MGMT: variants seen among roughly 807,000 people sequenced by gnomAD.
MGMT encodes the protein O-6-methylguanine-DNA methyltransferase.
In MGMT, 14 loss-of-function variants were observed where a neutral mutation model predicts 15.9. That is an observed-to-expected ratio of 0.88 (90% confidence interval 0.58 to 1.37). The LOEUF (loss-of-function observed/expected upper bound fraction) is 1.37, where lower values mean the gene tolerates loss of function less well. Ranked by LOEUF, MGMT falls within the 40% of genes most tolerant of loss-of-function variation. MGMT has a pLI of 0.00. For missense variants in MGMT, 282 were observed against 268.1 expected (o/e 1.05, Z -0.36); for synonymous variants, 130 against 118.2 (o/e 1.10, Z -0.65).
chr10:129,764,270 T>C lies in MGMT; in HGVS notation c.415-2518T>C, dbSNP rs548601326. ...TGGGGGCCATAGATGGGGTCGAAGA[T>C]GCAGCAGCATCAGGCATGGGCACAC... On this transcript the variant is annotated intron_variant, in intron 4 of 4. Transcript: ENST00000651593. 2.6e-5 allele frequency among the ~76,000 whole-genome samples: 4 copies of C among 151,116 alleles called. No homozygotes were observed. In the East Asian group the frequency reaches 5.8e-4, roughly 22 times the overall value.
chr10:129,723,746 C>CATA (rs1848401319), intron 3 of MGMT, among the ~76,000 whole-genome samples: 1 of 152,146 alleles, frequency 6.6e-6, no homozygotes, highest in Non-Finnish European at 1.5e-5. Context: ...CGCAAAGACA[C>CATA]ATAATACACA....
At chr10:129,538,989 T>C (rs764627030) in intron 2 of MGMT, among the ~76,000 whole-genome samples, 7 of 152,204 alleles carry the variant, frequency 4.6e-5, no homozygotes, top group Non-Finnish European at 8.8e-5. Context: ...GTTGATGTTA[T>C]TGATTTGTGG....
chr10:129,727,776 G>A (rs1296695123), intron 3 of MGMT, among the ~76,000 whole-genome samples: 1 of 152,192 alleles, frequency 6.6e-6, no homozygotes, highest in Non-Finnish European at 1.5e-5. Flanking sequence ...GGTATATGAG[G>A]AGCCCCGGGT....
At chr10:129,501,794 C>T (rs1845577094) in intron 1 of MGMT, among the ~76,000 whole-genome samples, 1 of 152,236 alleles carries the variant, frequency 6.6e-6, no homozygotes, top group African/African-American at 2.4e-5. Context: ...GCATTCGTGT[C>T]TGTGGTAGAC....
chr10:129,725,999 C>T (rs114599252), intron 3 of MGMT, among the ~76,000 whole-genome samples: 3,076 of 152,222 alleles, frequency 0.02, 115 homozygotes, highest in African/African-American at 0.07. Flanking sequence ...CCTCTTCTCA[C>T]AGAACGAGCC....
intron 2 of MGMT, among the ~76,000 whole-genome samples, chr10:129,574,100 CAGATG>C (rs1422137842): frequency 1.3e-5 from 2 of 152,200 alleles, no homozygotes; most frequent in African/African-American, 4.8e-5. Flanking sequence ...TAATTTGTCA[CAGATG>C]ATACTGTTAT....
Position 129,756,743 on chromosome 10 carries a change from C to T in MGMT, c.275-2459C>T, listed in dbSNP as rs148334463. ...TCGGCCTCCCAAAGTGCTGGGATTA[C>T]AGGCGTGAGCCACCGCGCCTGGACC... On this transcript the variant is annotated intron_variant, in intron 3 of 4. Coordinates refer to ENST00000651593, the MANE Select transcript of MGMT (RefSeq NM_002412.5). 6.5e-4 allele frequency among the ~76,000 whole-genome samples: 99 copies of T among 152,346 alleles called. 7 individuals carry two copies. In the East Asian group the frequency reaches 0.019, roughly 29 times the overall value.
intron 2 of MGMT, among the ~76,000 whole-genome samples, chr10:129,636,475 T>G (rs1233110939): frequency 6.6e-6 from 1 of 152,266 alleles, no homozygotes; most frequent in African/African-American, 2.4e-5. Flanking sequence ...CAACTGTCAT[T>G]GAAAGAAGGC....
At chr10:129,510,010 C>G (rs1281279526) in intron 1 of MGMT, among the ~76,000 whole-genome samples, 4 of 152,146 alleles carry the variant, frequency 2.6e-5, no homozygotes, top group Admixed American at 2.6e-4. Flanking sequence ...GTTGCCGTGC[C>G]AGGATGCACA....
intron 2 of MGMT, among the ~76,000 whole-genome samples, chr10:129,577,219 C>T (rs956122018): frequency 2.0e-5 from 3 of 152,178 alleles, no homozygotes; most frequent in African/African-American, 7.2e-5. Context: ...AAAGAGCCCA[C>T]ATTGCCAAGT....
At chr10:129,488,150 G>A (rs1845432356) in intron 1 of MGMT, among the ~76,000 whole-genome samples, 1 of 152,092 alleles carries the variant, frequency 6.6e-6, no homozygotes, top group Non-Finnish European at 1.5e-5. Context: ...TGATTGGAGT[G>A]TCAGTGTTCA....
In MGMT at chr10:129,718,147, T is replaced by G. The variant is rs1229920564; in HGVS notation, c.274+10104T>G. On this transcript the variant is annotated intron_variant, in intron 3 of 4. Coordinates refer to ENST00000651593, the MANE Select transcript of MGMT (RefSeq NM_002412.5). ...ATGTCTTGGTTTTAAGGCCAGGACT[T>G]CTAATGCCCTAGAAGATGAATATGA... Among the ~76,000 whole-genome samples, 3 of 152,210 alleles carry G rather than the reference T, an allele frequency of 2.0e-5. No individual in the cohort carries two copies. The East Asian group carries it at 5.8e-4, about 29-fold the overall frequency.
At chr10:129,679,531 G>A (rs1847824218) in intron 2 of MGMT, among the ~76,000 whole-genome samples, 1 of 152,194 alleles carries the variant, frequency 6.6e-6, no homozygotes, top group East Asian at 1.9e-4. Context: ...ATGTAATTAA[G>A]AATATTAGTA....
chr10:129,627,816 C>T (rs1360334919), intron 2 of MGMT, among the ~76,000 whole-genome samples: 2 of 152,128 alleles, frequency 1.3e-5, no homozygotes, highest in African/African-American at 4.8e-5. Flanking sequence ...AAGAAAAATA[C>T]AAAAATAATT....
chr10:129,739,283 C>T (rs897223563), intron 3 of MGMT, among the ~76,000 whole-genome samples: 6 of 152,180 alleles, frequency 3.9e-5, no homozygotes, highest in African/African-American at 1.4e-4. Flanking sequence ...GTTCAACATA[C>T]TGCTGGAAGT....
chr10:129,503,100 T>A (rs1427594501), intron 1 of MGMT, among the ~76,000 whole-genome samples: 1 of 129,176 alleles, frequency 7.7e-6, no homozygotes, highest in Non-Finnish European at 1.7e-5. Context: ...TCGCCCACAC[T>A]GCTTGGATTT....
chr10:129,471,691 C>A (rs534249304), intron 1 of MGMT, among the ~76,000 whole-genome samples: 2 of 152,104 alleles, frequency 1.3e-5, no homozygotes, highest in African/African-American at 4.8e-5. Context: ...ATTGCAGGGC[C>A]CCATGGGAGA....
At chr10:129,559,999 ATTCAT>A (rs545271268) in intron 2 of MGMT, among the ~76,000 whole-genome samples, 1 of 152,306 alleles carries the variant, frequency 6.6e-6, no homozygotes, top group Non-Finnish European at 1.5e-5. Flanking sequence ...GTCCCATCGT[ATTCAT>A]TTAACTCCAC....
Position 129,770,320 on chromosome 10 carries a change from G to A in MGMT, c.*3323G>A, listed in dbSNP as rs892918996. ...AGAAACGTAAGAGGTGGTGTGACCC[G>A]CTGGAGCCCTGTGGAGTGGCGGACT... On this transcript the variant is annotated 3_prime_UTR_variant, in exon 5 of 5. Transcript: ENST00000651593. Among the ~76,000 whole-genome samples the A allele has an allele frequency of 1.3e-5, 2 of 152,352 alleles. No homozygotes were observed. Among genetic ancestry groups the A allele is most frequent in the Admixed American group, 6.5e-5 (1 of 15,306 alleles).
Sources: gnomAD v4.1 joint callset for allele counts (sites outside exome capture counted in the v4.1 genomes callset) on GRCh38, gnomAD v4.1.1 for gene constraint, MANE v1.5 for transcripts, NCBI Gene and HGNC (gene_info 2026-07-23, HGNC 2026-07-21) for gene names.